Variants in MCPH1 observed in about 807,000 individuals in gnomAD.
MCPH1 encodes microcephalin.
MCPH1 carries 104 observed loss-of-function variants against 84.5 expected under a neutral mutation model. The ratio of observed to expected loss-of-function variants is 1.23; its 90% CI spans 1.05 to 1.45. The LOEUF is 1.45. Ranked by LOEUF, MCPH1 falls within the 40% of genes most tolerant of loss-of-function variation. MCPH1 has a pLI of 0.00. For missense variants in MCPH1, 1,498 were observed against 1,005.7 expected, an observed-to-expected ratio of 1.49 and a Z score of -6.62; for synonymous variants, 514 against 366.8, an observed-to-expected ratio of 1.40 and a Z score of -4.58.
chr8:6,625,860 G>A (rs1832021880), intron 13 of MCPH1: 1 of 985,304 alleles, frequency 1.0e-6, no homozygotes, highest in South Asian at 4.7e-5. Flanking sequence ...TTTTGCAGAT[G>A]TCGTAAACTC....
At position 6,445,071 on chromosome 8, in the gene MCPH1, A is replaced by C. The variant is rs77959215; in HGVS notation, c.1349A>C (p.Lys450Thr). 498 of 1,614,274 alleles carry C rather than the reference A, an allele frequency of 3.1e-4. 3 individuals carry two copies. In the African/African-American group the frequency reaches 5.1e-3, roughly 17 times the overall value. ...TTGAGCTGCAGAAGTCTTTCTAAGA[A>C]GGAGAGAACAAGCATATTTGAAATG... is the stretch of plus-strand genomic sequence containing the variant. ...AQLSCRSLSK[K>T]ERTSIFEMSD... The change falls in exon 8 of 14, where the codon AAG becomes ACG. Residue 450 changes from lysine to threonine, a missense_variant. Coordinates refer to ENST00000344683, the MANE Select transcript of MCPH1 (RefSeq NM_024596.5).
chr8:6,621,399 C>T (rs1164216291), intron 12 of MCPH1, 55 bp from the exon 13 acceptor site: 2 of 1,604,874 alleles, frequency 1.2e-6, no homozygotes, highest in African/African-American at 1.3e-5. Context: ...TTCGCCTACG[C>T]TATGGAGACT....
chr8:6,603,691 G>A (rs1280142714), intron 12 of MCPH1, among the ~76,000 whole-genome samples: 1 of 152,160 alleles, frequency 6.6e-6, no homozygotes, highest in East Asian at 1.9e-4. Context: ...GCTGAGCTTG[G>A]TTTCAGATAA....
chr8:6,493,822 A>G (rs555968199), intron 11 of MCPH1, among the ~76,000 whole-genome samples: 19 of 152,324 alleles, frequency 1.2e-4, no homozygotes, highest in African/African-American at 3.8e-4. Context: ...ATGCGGAGCT[A>G]CTTTGTCAGT....
intron 13 of MCPH1, among the ~76,000 whole-genome samples, chr8:6,623,197 A>G (rs1831655340): frequency 6.6e-6 from 1 of 151,984 alleles, no homozygotes; most frequent in African/African-American, 2.4e-5. Flanking sequence ...CCCCATCTCC[A>G]AATACAGTCT....
chr8:6,597,346 C>T (rs1026662001), intron 12 of MCPH1, among the ~76,000 whole-genome samples: 1 of 152,250 alleles, frequency 6.6e-6, no homozygotes, highest in East Asian at 1.9e-4. Flanking sequence ...TTTTCGGCTT[C>T]AGGAAGACAT....
chr8:6,576,594 C>T (rs1379437361), intron 12 of MCPH1, among the ~76,000 whole-genome samples: 2 of 149,438 alleles, frequency 1.3e-5, no homozygotes, highest in African/African-American at 2.4e-5. Context: ...CTGCAATCTC[C>T]ACCTCCCGGG....
chr8:6,601,145 C>T (rs1829327658), intron 12 of MCPH1, among the ~76,000 whole-genome samples: 1 of 152,070 alleles, frequency 6.6e-6, no homozygotes, highest in African/African-American at 2.4e-5. Flanking sequence ...AGACAGAGTC[C>T]ATAGACCTCC....
In MCPH1 at chr8:6,488,952, G is replaced by C. The variant is rs373504269; in HGVS notation, c.2136+8076G>C. Among the ~76,000 whole-genome samples the C allele has an allele frequency of 1.8e-4, 28 of 152,214 alleles. No homozygotes were observed. The East Asian group carries it at 5.2e-3, about 28-fold the overall frequency. On this transcript the variant is annotated intron_variant, in intron 11 of 13. Transcript: ENST00000344683. The stretch of plus-strand genomic sequence containing the variant: ...TTCCTAGGAAGATCTAGTGGAATCT[G>C]TAACGTCAGGTGTGTGGGAATGGAG...
intron 12 of MCPH1, among the ~76,000 whole-genome samples, chr8:6,586,348 T>C (rs932210914): frequency 5.3e-5 from 8 of 152,324 alleles, no homozygotes; most frequent in Admixed American, 2.0e-4. Flanking sequence ...TAGTCTTGCA[T>C]AGACAAAATA....
intron 12 of MCPH1, among the ~76,000 whole-genome samples, chr8:6,600,581 T>A (rs1357758299): frequency 6.6e-6 from 1 of 152,246 alleles, no homozygotes; most frequent in Non-Finnish European, 1.5e-5. Flanking sequence ...TGACATCACA[T>A]CTTCCTAGGT....
intron 3 of MCPH1, among the ~76,000 whole-genome samples, chr8:6,426,174 G>T (rs1045828673): frequency 6.6e-6 from 1 of 151,982 alleles, no homozygotes; most frequent in African/African-American, 2.4e-5. Flanking sequence ...CAGATAGTTG[G>T]TTTGTTTTTT....
rs1277975101 is a variant in MCPH1, at chr8:6,473,795, C to A, written c.1936-3799C>A. 3.8e-6 allele frequency: 4 copies of A among 1,054,272 alleles called. No individual in the cohort carries two copies. In the East Asian group the frequency reaches 1.0e-4, roughly 27 times the overall value. The allele number at this position is 1,054,272 out of a possible 1,614,324, so 65.3% of individuals were successfully genotyped here. A position where few individuals can be genotyped will look rare whatever the true frequency, so the allele number is the denominator to read the frequency against. On this transcript the variant is annotated intron_variant, in intron 9 of 13. Coordinates refer to ENST00000344683, the MANE Select transcript of MCPH1 (RefSeq NM_024596.5). ...ACTTAAACAATTTCTATGATGTCAG[C>A]AGAGAGATATCAGCAAGAGTGATTG...
At chr8:6,419,833 T>C (rs1054247468) in intron 3 of MCPH1, among the ~76,000 whole-genome samples, 4 of 152,154 alleles carry the variant, frequency 2.6e-5, no homozygotes, top group Admixed American at 1.3e-4. Flanking sequence ...GGTTTTGTTA[T>C]ATTCTTCAGT....
chr8:6,447,333 G>A (rs1585830725), intron 8 of MCPH1: 1 of 985,320 alleles, frequency 1.0e-6, no homozygotes, highest in Non-Finnish European at 1.2e-6. Flanking sequence ...AAATTATGGA[G>A]GGGTGAAAAC....
At chr8:6,586,599 A>G (rs923649368) in intron 12 of MCPH1, among the ~76,000 whole-genome samples, 3 of 152,196 alleles carry the variant, frequency 2.0e-5, no homozygotes, top group Admixed American at 6.5e-5. Flanking sequence ...TCTGGGGGGA[A>G]TTCTGCAAAG....
At chr8:6,575,694 T>C (rs974873914) in intron 12 of MCPH1, among the ~76,000 whole-genome samples, 3 of 152,192 alleles carry the variant, frequency 2.0e-5, no homozygotes, top group Admixed American at 2.0e-4. Flanking sequence ...TGTAATCAGT[T>C]AAGATAGGGT....
intron 13 of MCPH1, 195 bp from the exon 14 acceptor site, chr8:6,642,799 G>T (rs527697811): frequency 7.8e-6 from 5 of 644,372 alleles, no homozygotes; most frequent in Admixed American, 6.4e-5. Context: ...AGAACTGAAT[G>T]TTTCATTGTA....
intron 12 of MCPH1, among the ~76,000 whole-genome samples, chr8:6,586,309 A>G (rs1167751835): frequency 6.6e-6 from 1 of 152,118 alleles, no homozygotes; most frequent in Non-Finnish European, 1.5e-5. Flanking sequence ...GATGGGACCA[A>G]CTAAGTTTCT....
Sources: gnomAD v4.1 joint callset for allele counts (sites outside exome capture counted in the v4.1 genomes callset) on GRCh38, gnomAD v4.1.1 for gene constraint, MANE v1.5 for transcripts, NCBI Gene and HGNC (gene_info 2026-07-23, HGNC 2026-07-21) for gene names.